The following CDH7 variants were observed in gnomAD, a reference collection of about 807,000 sequenced individuals.
CDH7 encodes the protein cadherin-7.
In CDH7, 25 loss-of-function variants were observed where a neutral mutation model predicts 71.8. The observed-to-expected ratio is 0.35, with a 90% CI of 0.25 to 0.49. The LOEUF is 0.49. Among genes scored for constraint, CDH7 ranks in the 20% least tolerant of loss-of-function variants. The probability of loss-of-function intolerance (pLI) is 0.99; values close to 1 mark genes in which losing one functional copy is unlikely to be tolerated. For missense variants in CDH7, 862 were observed against 974.6 expected (o/e 0.88, Z 1.54); for synonymous variants, 381 against 363.8 (o/e 1.05, Z -0.54).
rs1297136960 is a variant in CDH7 at position 65,844,197 on chromosome 18, A to ATATATATATAT, written c.1235+132_1235+133insTATATATATAT. On this transcript the variant is annotated intron_variant, in intron 7 of 11. Transcript: ENST00000397968. ...CAGATATATATATATATCGAGTTAT[A>ATATATATATAT]ACAGCAGAGGTAAAACAGCATTAGA... The ATATATATATAT allele has an allele frequency of 2.7e-4, 66 of 242,044 alleles. 4 individuals carry two copies. Among genetic ancestry groups the ATATATATATAT allele is most frequent in the Non-Finnish European group, 3.7e-4 (49 of 131,106 alleles). The allele number at this position is 242,044 out of a possible 1,614,324, so 15.0% of individuals were successfully genotyped here.
At chr18:65,761,535 C>CAAA (rs36079642) in intron 1 of CDH7, among the ~76,000 whole-genome samples, 11 of 124,146 alleles carry the variant, frequency 8.9e-5, no homozygotes, top group African/African-American at 2.0e-4. Context: ...TCCTCTTCCT[C>CAAA]AAAAAAAAAA....
Position 65,777,423 on chromosome 18 carries a change from T to C in CDH7, c.210+14371T>C, listed in dbSNP as rs570054143. 1.6e-4 allele frequency among the ~76,000 whole-genome samples: 24 copies of C among 152,104 alleles called. 1 individual carries two copies. The East Asian group carries it at 4.5e-3, about 28-fold the overall frequency. ...CCAGAGTCTCCAAAAGGAGATTTAT[T>C]ATATGATCTCCGCAGTGGGACTAGC... On this transcript the variant is annotated intron_variant, in intron 2 of 11. Transcript: ENST00000397968.
intron 7 of CDH7, among the ~76,000 whole-genome samples, chr18:65,849,115 A>T (rs1432013377): frequency 6.6e-6 from 1 of 152,192 alleles, no homozygotes; most frequent in African/African-American, 2.4e-5. Context: ...TGATTAACTT[A>T]AAAAGTAGCA....
intron 11 of CDH7, among the ~76,000 whole-genome samples, chr18:65,866,965 T>C (rs1342383711): frequency 6.6e-6 from 1 of 152,116 alleles, no homozygotes; most frequent in Non-Finnish European, 1.5e-5. Context: ...AAATAATCAA[T>C]TAGATACCTC....
rs267605238 is a variant in CDH7 at position 65,824,816 on chromosome 18, C to T, written c.966C>T (p.Ile322=). 1 of 1,604,414 alleles carries T rather than the reference C, an allele frequency of 6.2e-7. No individual in the cohort carries two copies. The highest frequency in any genetic ancestry group is 2.2e-5 in the East Asian group (1 of 44,718). ...TTGACAAAGAAACCCAGGAAGGAAT[C>T]ATTACTATACAGAAGGTAATGTTTT... ...ISVDKETQEG[I]ITIQKELDFE... Residue 322 remains isoleucine (I), a synonymous_variant, in exon 6 of 12, where the codon ATC becomes ATT. Transcript: ENST00000397968.
intron 2 of CDH7, among the ~76,000 whole-genome samples, chr18:65,764,711 A>G (rs1394646129): frequency 6.6e-6 from 1 of 152,080 alleles, no homozygotes; most frequent in East Asian, 1.9e-4. Context: ...GTGACAATGT[A>G]AAATTTTCTA....
At chr18:65,871,255 G>A (rs941144585) in intron 11 of CDH7, among the ~76,000 whole-genome samples, 3 of 152,040 alleles carry the variant, frequency 2.0e-5, no homozygotes, top group African/African-American at 4.8e-5. Flanking sequence ...GACAGTTATC[G>A]CCTACTGTGG....
intron 6 of CDH7, among the ~76,000 whole-genome samples, chr18:65,828,821 C>G (rs192185601): frequency 1.3e-4 from 20 of 152,176 alleles, no homozygotes; most frequent in Admixed American, 3.3e-4. Flanking sequence ...TGTGTAGCTT[C>G]TCTGCCTCTT....
intron 2 of CDH7, among the ~76,000 whole-genome samples, chr18:65,800,621 T>G (rs1280777196): frequency 1.3e-5 from 2 of 152,060 alleles, no homozygotes; most frequent in African/African-American, 4.8e-5. Context: ...CATACTAAAT[T>G]TCACAAAATA....
intron 2 of CDH7, among the ~76,000 whole-genome samples, chr18:65,808,349 A>G (rs186464944): frequency 3.5e-4 from 54 of 152,340 alleles, no homozygotes; most frequent in African/African-American, 1.1e-3. Context: ...TAGTAACCCT[A>G]AAAATGACTT....
chr18:65,864,574 C>A lies in CDH7; in HGVS notation c.1864+1657C>A, dbSNP rs1022396719. On this transcript the variant is annotated intron_variant, in intron 11 of 11. Transcript: ENST00000397968. ...TATTTATTTTATAGTAGCAGAATAA[C>A]CTACATTAGAAGATTTAAAAATTAC... 5.3e-5 allele frequency among the ~76,000 whole-genome samples: 8 copies of A among 151,776 alleles called. 1 individual carries two copies. In the East Asian group the frequency reaches 7.8e-4, roughly 15 times the overall value.
At chr18:65,813,906 C>T (rs1035207060) in intron 3 of CDH7, among the ~76,000 whole-genome samples, 9 of 152,102 alleles carry the variant, frequency 5.9e-5, no homozygotes, top group African/African-American at 1.2e-4. Context: ...TTTTCATTTC[C>T]TGTTTTGTTT....
intron 11 of CDH7, among the ~76,000 whole-genome samples, chr18:65,879,361 T>G (rs776112702): frequency 6.6e-6 from 1 of 152,188 alleles, no homozygotes; most frequent in Non-Finnish European, 1.5e-5. Context: ...CTATTCAGAC[T>G]TTCCAGAAAA....
intron 11 of CDH7, among the ~76,000 whole-genome samples, chr18:65,876,211 C>A (rs956264739): frequency 2.0e-5 from 3 of 152,114 alleles, no homozygotes; most frequent in Non-Finnish European, 4.4e-5. Context: ...ATATCCAGCA[C>A]TATTTCCTAC....
intron 2 of CDH7, among the ~76,000 whole-genome samples, chr18:65,801,861 G>T (rs779696898): frequency 2.0e-5 from 3 of 152,188 alleles, no homozygotes; most frequent in African/African-American, 7.2e-5. Flanking sequence ...TGCTTTAGCT[G>T]TTATTGTTGG....
intron 11 of CDH7, among the ~76,000 whole-genome samples, chr18:65,878,097 C>A (rs112831939): frequency 3.3e-5 from 5 of 152,064 alleles, no homozygotes; most frequent in Admixed American, 1.3e-4. Flanking sequence ...AAACACCTAC[C>A]CCAGAGAATT....
chr18:65,871,578 G>T (rs948088546), intron 11 of CDH7, among the ~76,000 whole-genome samples: 1 of 152,130 alleles, frequency 6.6e-6, no homozygotes, highest in African/African-American at 2.4e-5. Context: ...AAGCAAAGAG[G>T]AAATGAAGAA....
rs1568182057 is a variant in CDH7, at chr18:65,781,972, CTCTCTCTCTCTCTCTT to C, written c.210+18928_210+18943del. On this transcript the variant is annotated intron_variant, in intron 2 of 11. Coordinates refer to ENST00000397968, the MANE Select transcript of CDH7 (RefSeq NM_004361.5). ...TCTCTCTTTCTCTCTTTCTCTCTCT[CTCTCTCTCTCTCTCTT>C]TCTCTCTTTCTCTCTTTCTCTCTTT... Among the ~76,000 whole-genome samples, 8 of 62,454 alleles carry C rather than the reference CTCTCTCTCTCTCTCTT, an allele frequency of 1.3e-4. 1 individual carries two copies. 41.0% of individuals were successfully genotyped at this position (62,454 alleles called of 152,430 possible).
chr18:65,867,876 C>T (rs1340152080), intron 11 of CDH7, among the ~76,000 whole-genome samples: 1 of 152,202 alleles, frequency 6.6e-6, no homozygotes, highest in Non-Finnish European at 1.5e-5. Context: ...GATTCGGTCT[C>T]CTCCAGTATG....
Sources: gnomAD v4.1 joint callset for allele counts (sites outside exome capture counted in the v4.1 genomes callset) on GRCh38, gnomAD v4.1.1 for gene constraint, MANE v1.5 for transcripts, NCBI Gene and HGNC (gene_info 2026-07-23, HGNC 2026-07-21) for gene names.